FAM169A: variants seen among roughly 807,000 people sequenced by gnomAD.
FAM169A encodes the protein family with sequence similarity 169 member A.
Under a neutral mutation model 75.7 loss-of-function variants are expected in FAM169A, and 24 were observed. The ratio of observed to expected loss-of-function variants is 0.32; its 90% CI spans 0.23 to 0.45. FAM169A has a LOEUF of 0.45. Among genes scored for constraint, FAM169A ranks in the 20% least tolerant of loss-of-function variants. The pLI, the probability that FAM169A is intolerant of heterozygous loss-of-function variation, is 1.00. For synonymous variants in FAM169A, 271 were observed against 271.0 expected (o/e 1.00, Z 0.00); for missense variants, 673 against 784.0 (o/e 0.86, Z 1.69).
chr5:74,799,880 C>A, intron 10 of FAM169A: 1 of 991,696 alleles, frequency 1.0e-6, no homozygotes, highest in Non-Finnish European at 1.6e-6. Context: ...TCCAACGCAA[C>A]ATGTCTGCCA....
rs528416759 is a variant in FAM169A, at chr5:74,827,401, T to C, written c.490+7025A>G. On this transcript the variant is annotated intron_variant, in intron 5 of 12. Transcript: ENST00000687041. ...TTTCTATGATATTTATTCCACAGAA[T>C]GTTATCCTGATGTAATATTTTTATG... 9.2e-5 allele frequency among the ~76,000 whole-genome samples: 14 copies of C among 152,238 alleles called. 1 individual carries two copies. In the South Asian group the frequency reaches 2.5e-3, roughly 27 times the overall value.
intron 11 of FAM169A, among the ~76,000 whole-genome samples, chr5:74,792,681 C>A (rs2112492725): frequency 6.6e-6 from 1 of 152,210 alleles, no homozygotes; most frequent in South Asian, 2.1e-4. Context: ...CACTAATTAT[C>A]AAGGAAATGC....
intron 6 of FAM169A, among the ~76,000 whole-genome samples, chr5:74,808,757 C>A (rs142687307): frequency 4.6e-4 from 70 of 152,208 alleles, no homozygotes; most frequent in Middle Eastern, 3.4e-3. Flanking sequence ...GCAATTATCT[C>A]TGGGGAGGAA....
At chr5:74,837,184 T>C (rs16872322) in intron 4 of FAM169A, among the ~76,000 whole-genome samples, 3,645 of 152,262 alleles carry the variant, frequency 0.024, 146 homozygotes, top group African/African-American at 0.084. Context: ...TCAGTCATGT[T>C]AAAACACATC....
chr5:74,792,498 T>C (rs1306340655), intron 11 of FAM169A, among the ~76,000 whole-genome samples: 2 of 148,560 alleles, frequency 1.3e-5, no homozygotes, highest in African/African-American at 5.2e-5. Flanking sequence ...TTCTTTAGCT[T>C]TGGGACTCGG....
At chr5:74,862,286 T>C (rs938858695) in intron 1 of FAM169A, among the ~76,000 whole-genome samples, 1 of 152,212 alleles carries the variant, frequency 6.6e-6, no homozygotes, top group Non-Finnish European at 1.5e-5. Context: ...GCAAAACTCA[T>C]ACACATCCAT....
intron 8 of FAM169A, among the ~76,000 whole-genome samples, chr5:74,802,472 C>T (rs1005478551): frequency 3.9e-5 from 6 of 152,012 alleles, no homozygotes; most frequent in Non-Finnish European, 2.9e-5. Context: ...ATACCTCTTT[C>T]ATATCAAACA....
chr5:74,798,841 A>C (rs1746412881), intron 10 of FAM169A, among the ~76,000 whole-genome samples: 1 of 152,226 alleles, frequency 6.6e-6, no homozygotes, highest in South Asian at 2.1e-4. Context: ...CCAATAGCCC[A>C]GTAAAATGAA....
chr5:74,835,445 T>C (rs1460761135), intron 4 of FAM169A, among the ~76,000 whole-genome samples: 1 of 151,428 alleles, frequency 6.6e-6, no homozygotes, highest in Non-Finnish European at 1.5e-5. Context: ...CTACAAAAAA[T>C]ACAAACATTA....
chr5:74,799,662 C>A, intron 10 of FAM169A: 4 of 1,327,856 alleles, frequency 3.0e-6, no homozygotes, highest in Admixed American at 1.7e-5. Context: ...CCTGGGCCAG[C>A]CACGACAGCA....
At chr5:74,783,774 G>A (rs890369386) in intron 11 of FAM169A, among the ~76,000 whole-genome samples, 2 of 152,052 alleles carry the variant, frequency 1.3e-5, no homozygotes, top group Non-Finnish European at 2.9e-5. Context: ...TTCTCCCAAT[G>A]TTTATCCATT....
chr5:74,781,304 G>A lies in FAM169A; in HGVS notation c.*156C>T, dbSNP rs754231250. 25 of 621,308 alleles carry A rather than the reference G, an allele frequency of 4.0e-5. No individual in the cohort carries two copies. The highest frequency in any genetic ancestry group is 1.5e-4 in the African/African-American group (8 of 54,694). 38.5% of individuals were successfully genotyped at this position (621,308 alleles called of 1,614,324 possible). A position where few individuals can be genotyped will look rare whatever the true frequency, so the allele number is the denominator to read the frequency against. ...AATTAAAAACAATGGTGAATTCTAC[G>A]TTCTAAAGGGAAGCAAAAAACTGCA... On this transcript the variant is annotated 3_prime_UTR_variant, in exon 13 of 13. Transcript: ENST00000687041.
chr5:74,833,160 T>G (rs1439898273), intron 5 of FAM169A, among the ~76,000 whole-genome samples: 2 of 152,106 alleles, frequency 1.3e-5, no homozygotes. Flanking sequence ...GTCTATCAGG[T>G]AGGAAACTCC....
chr5:74,801,573 T>A lies in FAM169A; in HGVS notation c.952+17A>T. The A allele has an allele frequency of 6.3e-7, 1 of 1,588,380 alleles. No homozygotes were observed. The highest frequency in any genetic ancestry group is 8.6e-7 in the Non-Finnish European group (1 of 1,156,856). On this transcript the variant is annotated intron_variant, in intron 9 of 12. Transcript: ENST00000687041. ...AGTGTCTCAAATACTTACTGATATA[T>A]CAGTTGAATTTCTTACCTTCGGAAG...
chr5:74,852,063 C>A (rs1030185565), intron 1 of FAM169A, among the ~76,000 whole-genome samples: 15 of 152,158 alleles, frequency 9.9e-5, no homozygotes, highest in Admixed American at 8.5e-4. Context: ...GTCTAACTCA[C>A]AACAAAAGCA....
At chr5:74,859,489 C>T (rs1185387715) in intron 1 of FAM169A, among the ~76,000 whole-genome samples, 1 of 151,850 alleles carries the variant, frequency 6.6e-6, no homozygotes, top group Non-Finnish European at 1.5e-5. Context: ...GGGATTTCAC[C>T]ATGTTGGTCA....
chr5:74,796,046 T>C lies in FAM169A; in HGVS notation c.1244A>G (p.Lys415Arg). The C allele has an allele frequency of 6.2e-7, 1 of 1,613,106 alleles. No individual in the cohort carries two copies. Among genetic ancestry groups the C allele is most frequent in the Non-Finnish European group, 8.5e-7 (1 of 1,179,828 alleles). Reference protein sequence around the residue: ...PALETQPQQEKQDGEKESELE... With the variant: ...PALETQPQQERQDGEKESELE... The stretch of plus-strand genomic sequence containing the variant: ...ATCTCATACCTTTTCACCATCTTGC[T>C]TCTCTTGCTGTGGCTGGGTTTCCAG... Residue 415 changes from lysine (K) to arginine (R), a missense_variant, in exon 11 of 13, where the codon AAG (lysine) becomes AGG (arginine). By Grantham distance (26) the Lys-to-Arg change is conservative (BLOSUM62 2). Around this residue, in one of 3 missense-constraint regions of FAM169A, gnomAD observed 510 missense variants for 550.9 expected, o/e 0.93. Coordinates refer to ENST00000687041, the MANE Select transcript of FAM169A (RefSeq NM_001376049.1).
intron 6 of FAM169A, 138 bp from the exon 7 acceptor site, chr5:74,805,422 A>T (rs572940865): frequency 1.6e-5 from 8 of 496,168 alleles, no homozygotes; most frequent in African/African-American, 1.6e-4. Context: ...ACACAACTCA[A>T]GTATACAGTA....
intron 6 of FAM169A, among the ~76,000 whole-genome samples, chr5:74,808,345 G>A: frequency 6.6e-6 from 1 of 152,300 alleles, no homozygotes; most frequent in East Asian, 1.9e-4. Context: ...GGACCTCAAA[G>A]ACATTATGTT....
Sources: allele counts gnomAD v4.1 joint callset (sites outside exome capture counted in the v4.1 genomes callset), GRCh38; gene constraint gnomAD v4.1.1; regional missense constraint gnomAD v4.1.1; transcripts MANE v1.5; gene names NCBI Gene and HGNC (gene_info 2026-07-23, HGNC 2026-07-21).